TEX15: variants seen among roughly 807,000 people sequenced by gnomAD.
TEX15 encodes testis-expressed protein 15.
A neutral mutation model predicts 237.3 loss-of-function variants in TEX15; 171 were observed. The ratio of observed to expected loss-of-function variants is 0.72; its 90% CI spans 0.64 to 0.82. TEX15 has a LOEUF of 0.82. Ranked by LOEUF, TEX15 falls within the 40% of genes least tolerant of loss-of-function variation. The probability of loss-of-function intolerance (pLI) is 0.00; values close to 1 mark genes in which losing one functional copy is unlikely to be tolerated. For synonymous variants in TEX15, 1,338 were observed against 1,269.8 expected (o/e 1.05, Z -1.14); for missense variants, 3,750 against 3,646.5 (o/e 1.03, Z -0.73).
Position 30,849,022 on chromosome 8 carries a change from G to A in TEX15, c.1145C>T (p.Ser382Leu). The change falls in exon 8 of 11, where the codon TCA becomes TTA. Residue 382 changes from serine to leucine, a missense_variant. Transcript: ENST00000643185. Reference sequence around the variant, plus strand: ...GTCTTTGGCATCACTGGGCATAAGTGAAATGTCTGAATCATGTGCAAGTAC... The same window carrying A: ...GTCTTTGGCATCACTGGGCATAAGTAAAATGTCTGAATCATGTGCAAGTAC... Reference protein sequence around the residue: ...SQVLAHDSDISLMPSDAKDSV... With the variant: ...SQVLAHDSDILLMPSDAKDSV... 1 of 1,614,156 alleles carries A rather than the reference G, an allele frequency of 6.2e-7. No individual in the cohort carries two copies. The highest frequency in any genetic ancestry group is 8.5e-7 in the Non-Finnish European group (1 of 1,180,026).
intron 4 of TEX15, among the ~76,000 whole-genome samples, chr8:30,871,846 C>T (rs943129931): frequency 5.9e-5 from 9 of 152,088 alleles, no homozygotes; most frequent in Admixed American, 3.3e-4. Flanking sequence ...AAATAACCAA[C>T]GTTCCTTTAG....
At chr8:30,883,852 T>C (rs928794558) in intron 3 of TEX15, among the ~76,000 whole-genome samples, 5 of 152,232 alleles carry the variant, frequency 3.3e-5, no homozygotes, top group African/African-American at 1.2e-4. Flanking sequence ...TTATATTCCT[T>C]TGGGTATATA....
Position 30,833,247 on chromosome 8 carries a change from A to G in TEX15, c.*39T>C, listed in dbSNP as rs1418973645. 1 of 1,453,228 alleles carries G rather than the reference A, an allele frequency of 6.9e-7. No homozygotes were observed. The highest frequency in any genetic ancestry group is 9.4e-7 in the Non-Finnish European group (1 of 1,066,542). 90.0% of individuals were successfully genotyped at this position (1,453,228 alleles called of 1,614,324 possible). On this transcript the variant is annotated 3_prime_UTR_variant, in exon 11 of 11. Transcript: ENST00000643185. ...TATATAAGTAAAAAATATTTGGAAA[A>G]ACTTGTTATGTCTTATTTCAATAGA...
At chr8:30,883,372 T>C (rs1424377398) in intron 3 of TEX15, among the ~76,000 whole-genome samples, 1 of 151,972 alleles carries the variant, frequency 6.6e-6, no homozygotes, top group East Asian at 1.9e-4. Context: ...GTATTTTCTT[T>C]TTTTTTTAAT....
Position 30,844,231 on chromosome 8 carries a change from G to A in TEX15, c.5936C>T (p.Ser1979Leu). ...KVPTLLKKPASYVSDFKEKHC... is the reference protein window; with the variant it reads ...KVPTLLKKPALYVSDFKEKHC... ...TTTTTCTTTAAAATCACTCACGTATGACGCAGGTTTCTTCAGAAGAGTAGG... is the reference window on the plus strand; with the variant it reads ...TTTTTCTTTAAAATCACTCACGTATAACGCAGGTTTCTTCAGAAGAGTAGG... Residue 1979 changes from serine (S) to leucine (L), a missense_variant, in exon 8 of 11, where the codon TCA (serine) becomes TTA (leucine). Ser to Leu is a moderately radical substitution (Grantham distance 145). Transcript: ENST00000643185. 1 of 1,612,252 alleles carries A rather than the reference G, an allele frequency of 6.2e-7. No individual in the cohort carries two copies. The highest frequency in any genetic ancestry group is 8.5e-7 in the Non-Finnish European group (1 of 1,179,268).
chr8:30,834,369 G>A (rs1340989265), intron 10 of TEX15, among the ~76,000 whole-genome samples: 6 of 152,026 alleles, frequency 3.9e-5, no homozygotes, highest in Non-Finnish European at 5.9e-5. Flanking sequence ...ATAGGGTTGC[G>A]CCATGTTGTC....
At chr8:30,860,859 A>G (rs1808036023) in intron 5 of TEX15, among the ~76,000 whole-genome samples, 1 of 152,148 alleles carries the variant, frequency 6.6e-6, no homozygotes, top group Non-Finnish European at 1.5e-5. Flanking sequence ...CCGAGAATCT[A>G]CTTTTAAAAA....
chr8:30,883,037 C>G (rs573590610), intron 3 of TEX15, among the ~76,000 whole-genome samples: 222 of 152,252 alleles, frequency 1.5e-3, no homozygotes, highest in African/African-American at 5.2e-3. Flanking sequence ...TTCCAAAGTG[C>G]TGGGATTACA....
At position 30,837,043 on chromosome 8, in the gene TEX15, C is replaced by T. The variant is rs771326530; in HGVS notation, c.9241G>A (p.Ala3081Thr). 11 of 1,614,016 alleles carry T rather than the reference C, an allele frequency of 6.8e-6. No homozygotes were observed. Among genetic ancestry groups the T allele is most frequent in the African/African-American group, 1.3e-5 (1 of 74,904 alleles). The change falls in exon 10 of 11, where the codon GCA (alanine) becomes ACA (threonine). Residue 3081 changes from alanine to threonine, a missense_variant. Transcript: ENST00000643185. Reference sequence around the variant, plus strand: ...GAATGTGTGCCCTGGGCAGTACTTGCAACTGTGGTCAACAGCCCAGAAGGA... The same window carrying T: ...GAATGTGTGCCCTGGGCAGTACTTGTAACTGTGGTCAACAGCCCAGAAGGA... ...PSPSGLLTTV[A>T]STAQGTHSNL...
intron 1 of TEX15, among the ~76,000 whole-genome samples, chr8:30,900,095 T>G (rs1808979503): frequency 6.6e-6 from 1 of 152,238 alleles, no homozygotes; most frequent in South Asian, 2.1e-4. Context: ...AAAAGCTATT[T>G]AAAGCTGACA....
intron 2 of TEX15, among the ~76,000 whole-genome samples, chr8:30,893,643 C>T (rs1045583209): frequency 6.6e-6 from 1 of 152,168 alleles, no homozygotes; most frequent in Non-Finnish European, 1.5e-5. Flanking sequence ...GTAGAAAATT[C>T]TAGAATGACT....
intron 3 of TEX15, among the ~76,000 whole-genome samples, chr8:30,878,096 C>CTTTTTTT (rs36096573): frequency 3.4e-4 from 40 of 118,208 alleles, no homozygotes; most frequent in African/African-American, 5.6e-4. Flanking sequence ...GTAAAGATTG[C>CTTTTTTT]TTTTTTTTTT....
intron 2 of TEX15, among the ~76,000 whole-genome samples, chr8:30,893,982 T>C (rs1383948345): frequency 6.6e-6 from 1 of 152,194 alleles, no homozygotes; most frequent in Non-Finnish European, 1.5e-5. Context: ...TATCTAAAAA[T>C]CATATCATGT....
Position 30,848,164 on chromosome 8 carries a change from T to C in TEX15, c.2003A>G (p.Glu668Gly). ...CCCAAAAGAATTATGACTCTCACTC[T>C]CTTTGTATTCTTGGTGCAAAACAAT... Reference protein sequence around the residue: ...NYIVLHQEYKESESHNSFGKS... With the variant: ...NYIVLHQEYKGSESHNSFGKS... The change falls in exon 8 of 11, where the codon GAG becomes GGG. Residue 668 changes from glutamate to glycine, a missense_variant. Coordinates refer to ENST00000643185, the MANE Select transcript of TEX15 (RefSeq NM_001350162.2). 1 of 1,610,816 alleles carries C rather than the reference T, an allele frequency of 6.2e-7. No individual in the cohort carries two copies. Among genetic ancestry groups the C allele is most frequent in the Non-Finnish European group, 8.5e-7 (1 of 1,179,184 alleles).
intron 9 of TEX15, among the ~76,000 whole-genome samples, chr8:30,838,717 CAT>C (rs1454566176): frequency 1.4e-4 from 15 of 105,600 alleles, no homozygotes; most frequent in Admixed American, 3.9e-4. Context: ...CACACACACA[CAT>C]ATATACACAC....
At position 30,849,047 on chromosome 8, in the gene TEX15, C is replaced by T. The variant is rs147175738; in HGVS notation, c.1120G>A (p.Val374Ile). 51 of 1,614,074 alleles carry T rather than the reference C, an allele frequency of 3.2e-5. No individual in the cohort carries two copies. In the African/African-American group the frequency reaches 5.7e-4, roughly 18 times the overall value. ...SLAEIRDTSQVLAHDSDISLM... is the reference protein window; with the variant it reads ...SLAEIRDTSQILAHDSDISLM... ...GAAATGTCTGAATCATGTGCAAGTA[C>T]TTGAGAAGTGTCTCTAATTTCTGCT... Residue 374 changes from valine to isoleucine, a missense_variant, in exon 8 of 11, where the codon GTA becomes ATA. Transcript: ENST00000643185.
In TEX15 at chr8:30,833,104, T is replaced by A; in HGVS notation, c.*182A>T. Reference sequence around the variant, plus strand: ...GGAAATAATTCTGGTATATCAGATGTTAGAAATTGATGTCCTATATGATAT... The same window carrying A: ...GGAAATAATTCTGGTATATCAGATGATAGAAATTGATGTCCTATATGATAT... On this transcript the variant is annotated 3_prime_UTR_variant, in exon 11 of 11. Coordinates refer to ENST00000643185, the MANE Select transcript of TEX15 (RefSeq NM_001350162.2). 2.1e-6 allele frequency: 1 copy of A among 482,612 alleles called. No individual in the cohort carries two copies. The highest frequency in any genetic ancestry group is 3.4e-5 in the East Asian group (1 of 29,058). 29.9% of individuals were successfully genotyped at this position (482,612 alleles called of 1,614,324 possible). A position where few individuals can be genotyped will look rare whatever the true frequency, so the allele number is the denominator to read the frequency against.
At chr8:30,876,179 A>G (rs1808397609) in intron 3 of TEX15, among the ~76,000 whole-genome samples, 1 of 152,186 alleles carries the variant, frequency 6.6e-6, no homozygotes. Flanking sequence ...CAACATCTTT[A>G]TAAAACAAAC....
At chr8:30,869,688 CT>C (rs1219957851) in intron 4 of TEX15, among the ~76,000 whole-genome samples, 1 of 152,010 alleles carries the variant, frequency 6.6e-6, no homozygotes, top group African/African-American at 2.4e-5. Context: ...TTAAAGCTAG[CT>C]TGGGGAGACA....
Sources: gnomAD v4.1 joint callset for allele counts (sites outside exome capture counted in the v4.1 genomes callset) on GRCh38, gnomAD v4.1.1 for gene constraint, MANE v1.5 for transcripts, NCBI Gene and HGNC (gene_info 2026-07-23, HGNC 2026-07-21) for gene names.